Variants in ACTR3C observed in about 807,000 individuals in gnomAD.
ACTR3C encodes actin related protein 3C, also known as actin-related protein 3C.
Under a neutral mutation model 26.3 loss-of-function variants are expected in ACTR3C, and 18 were observed. That is an observed-to-expected ratio of 0.68 (90% CI 0.47 to 1.01). The LOEUF is 1.01. ACTR3C is among the 50% of genes least tolerant of loss of function. ACTR3C has a pLI of 0.00. For missense variants in ACTR3C, 184 were observed against 250.7 expected (o/e 0.73, Z 1.80); for synonymous variants, 55 against 94.5 (o/e 0.58, Z 2.42).
chr7:150,141,768 A>C, the ACTR3C span, among the ~76,000 whole-genome samples: 2 of 152,002 alleles, frequency 1.3e-5, no homozygotes, highest in African/African-American at 4.8e-5. Context: ...TACTACAAGC[A>C]GGGGGTGTGG....
chr7:149,938,248 T>G, the ACTR3C span, among the ~76,000 whole-genome samples: 1 of 152,220 alleles, frequency 6.6e-6, no homozygotes, highest in Non-Finnish European at 1.5e-5. Context: ...CTTTTATTAT[T>G]CTACTGAGAC....
chr7:150,133,114 A>C, the ACTR3C span, among the ~76,000 whole-genome samples: 1 of 152,168 alleles, frequency 6.6e-6, no homozygotes, highest in South Asian at 2.1e-4. Context: ...ACACAGGACG[A>C]ATTCCATGAA....
chr7:149,988,096 G>A, the ACTR3C span, among the ~76,000 whole-genome samples: 1 of 152,202 alleles, frequency 6.6e-6, no homozygotes. Flanking sequence ...CTTAGAACGT[G>A]TCTGCCCCAG....
intron 6 of ACTR3C, among the ~76,000 whole-genome samples, chr7:150,252,828 G>A (rs1301472688): frequency 6.6e-6 from 1 of 152,128 alleles, no homozygotes; most frequent in Non-Finnish European, 1.5e-5. Context: ...TTTCAATGGC[G>A]TTAAGGTAAA....
At chr7:149,947,298 A>C in the ACTR3C span, among the ~76,000 whole-genome samples, 1 of 124,726 alleles carries the variant, frequency 8.0e-6, no homozygotes, top group East Asian at 2.1e-4. Flanking sequence ...ACTTTTTTAT[A>C]ATCCTGCTAT....
chr7:150,161,967 A>G, the ACTR3C span, among the ~76,000 whole-genome samples: 1 of 152,128 alleles, frequency 6.6e-6, no homozygotes, highest in Non-Finnish European at 1.5e-5. Context: ...GTCATATACT[A>G]TATTTTATCA....
the ACTR3C span, among the ~76,000 whole-genome samples, chr7:150,012,329 T>TTC: frequency 2.0e-5 from 3 of 146,712 alleles, 1 homozygote; most frequent in African/African-American, 5.1e-5. Context: ...TTTTTTTTTT[T>TTC]TTTGAGACGG....
At chr7:150,150,848 G>C in the ACTR3C span, among the ~76,000 whole-genome samples, 1 of 136,122 alleles carries the variant, frequency 7.3e-6, no homozygotes, top group Non-Finnish European at 1.6e-5. Context: ...ACAAATAGGA[G>C]AGCAACAATT....
the ACTR3C span, among the ~76,000 whole-genome samples, chr7:149,980,219 G>T: frequency 2.6e-5 from 4 of 152,180 alleles, no homozygotes; most frequent in Admixed American, 6.5e-5. Flanking sequence ...GTAAAAGAGG[G>T]TTGAGATGAA....
At chr7:149,948,813 C>G in the ACTR3C span, among the ~76,000 whole-genome samples, 4 of 151,950 alleles carry the variant, frequency 2.6e-5, no homozygotes, top group South Asian at 6.2e-4. Flanking sequence ...GACACCTTCA[C>G]GGTCCGCTCT....
chr7:150,037,499 G>A, the ACTR3C span, among the ~76,000 whole-genome samples: 9 of 59,378 alleles, frequency 1.5e-4, 3 homozygotes, highest in Non-Finnish European at 2.4e-4. Flanking sequence ...AGCCGGGGGT[G>A]GAAGAGGGGA....
chr7:150,159,082 G>C, the ACTR3C span, among the ~76,000 whole-genome samples: 1 of 152,064 alleles, frequency 6.6e-6, no homozygotes, highest in Non-Finnish European at 1.5e-5. Flanking sequence ...ATGTCCCTTA[G>C]CTTGATCGTG....
At chr7:150,159,908 G>A in the ACTR3C span, among the ~76,000 whole-genome samples, 1 of 152,024 alleles carries the variant, frequency 6.6e-6, no homozygotes, top group Non-Finnish European at 1.5e-5. Context: ...TGGTTCAAGC[G>A]ATTCTCCTGC....
chr7:150,290,465 G>A (rs866104404), intron 3 of ACTR3C, among the ~76,000 whole-genome samples: 1 of 152,126 alleles, frequency 6.6e-6, no homozygotes, highest in African/African-American at 2.4e-5. Flanking sequence ...AGTGGACAAC[G>A]CCCACCGCTG....
chr7:150,140,753 ATC>A, the ACTR3C span, among the ~76,000 whole-genome samples: 1 of 152,232 alleles, frequency 6.6e-6, no homozygotes, highest in East Asian at 1.9e-4. Context: ...AGAGTCACAC[ATC>A]TCTCACTTTA....
chr7:149,932,320 G>A, the ACTR3C span, among the ~76,000 whole-genome samples: 14 of 152,144 alleles, frequency 9.2e-5, no homozygotes, highest in Admixed American at 8.5e-4. Flanking sequence ...GCTGAAGGCT[G>A]GGGGAAGGAT....
At chr7:150,095,871 G>A in the ACTR3C span, among the ~76,000 whole-genome samples, 3 of 150,444 alleles carry the variant, frequency 2.0e-5, no homozygotes, top group African/African-American at 7.5e-5. Context: ...CAAATGAAAA[G>A]TTAAACAAAA....
chr7:150,066,861 G>A, the ACTR3C span, among the ~76,000 whole-genome samples: 3 of 152,228 alleles, frequency 2.0e-5, no homozygotes, highest in Non-Finnish European at 4.4e-5. Flanking sequence ...TTGTTCTTGT[G>A]TGCAGAGGAG....
the ACTR3C span, among the ~76,000 whole-genome samples, chr7:149,963,816 T>G: frequency 1.3e-5 from 2 of 152,348 alleles, no homozygotes; most frequent in Admixed American, 1.3e-4. Context: ...CATGACTTAT[T>G]TTTAAAGACT....
Sources: gnomAD v4.1 joint callset for allele counts (sites outside exome capture counted in the v4.1 genomes callset) on GRCh38, gnomAD v4.1.1 for gene constraint, MANE v1.5 for transcripts, NCBI Gene and HGNC (gene_info 2026-07-23, HGNC 2026-07-21) for gene names.